The following MYBPC2 variants were observed in gnomAD, a reference collection of about 807,000 sequenced individuals.
MYBPC2 encodes myosin binding protein C2.
Under a neutral mutation model 137.0 loss-of-function variants are expected in MYBPC2, and 122 were observed. That is an observed-to-expected ratio of 0.89 (90% confidence interval 0.77 to 1.03). The LOEUF is 1.03. Among genes scored for constraint, MYBPC2 ranks in the 50% least tolerant of loss-of-function variants. The pLI is 0.00. For missense variants in MYBPC2, 1,500 were observed against 1,534.4 expected, an observed-to-expected ratio of 0.98 and a Z score of 0.37; for synonymous variants, 626 against 612.3, an observed-to-expected ratio of 1.02 and a Z score of -0.33.
intron 13 of MYBPC2, among the ~76,000 whole-genome samples, chr19:50,449,768 C>T (rs900693423): frequency 3.3e-5 from 5 of 152,134 alleles, no homozygotes; most frequent in African/African-American, 4.8e-5. Flanking sequence ...TGGAGAACAT[C>T]GTGCCGTTCA....
At chr19:50,464,593 C>G in intron 27 of MYBPC2, 61 bp downstream of exon 27, 1 of 1,502,478 alleles carries the variant, frequency 6.7e-7, no homozygotes, top group South Asian at 1.3e-5. Context: ...GCCAGCCTGG[C>G]CGGTGGCCCC....
Position 50,465,460 on chromosome 19 carries a change from G to A in MYBPC2, c.3416-735G>A, listed in dbSNP as rs2040007453. On this transcript the variant is annotated intron_variant, in intron 27 of 27. Transcript: ENST00000357701. This position sits in a 1 kb window ranked among gnomAD's most constrained non-coding sequence, Gnocchi z 4.5. ...AATGTGGACTTCCAGAGTCCCTCCC[G>A]GATGGTGACTTCTGACCTCTGACTT... 6.6e-6 allele frequency among the ~76,000 whole-genome samples: 1 copy of A among 152,194 alleles called. No individual in the cohort carries two copies. Among genetic ancestry groups the A allele is most frequent in the Non-Finnish European group, 1.5e-5 (1 of 68,034 alleles).
Position 50,458,660 on chromosome 19 carries a change from A to G in MYBPC2, c.2412A>G (p.Gly804=). 6.2e-7 allele frequency: 1 copy of G among 1,612,728 alleles called. No individual in the cohort carries two copies. Among genetic ancestry groups the G allele is most frequent in the Non-Finnish European group, 8.5e-7 (1 of 1,179,892 alleles). ...CGFTVKNLPT[G]ARILFRVVGV... ...TCACCGTCAAGAATCTCCCGACCGG[A>G]GCCAGAATCCTCTTCCGAGTAGTTG... The change falls in exon 21 of 28, where the codon GGA becomes GGG. Residue 804 remains glycine (G), a synonymous_variant. Coordinates refer to ENST00000357701, the MANE Select transcript of MYBPC2 (RefSeq NM_004533.4).
rs1386856463 is a variant in MYBPC2, at chr19:50,436,199, T to C, written c.345+39T>C. Reference sequence around the variant, plus strand: ...GGGCCAGAGGGCTGGTGGAGGGGAGTGGAGCTTGTGCAGGACATGCTCCTC... The same window carrying C: ...GGGCCAGAGGGCTGGTGGAGGGGAGCGGAGCTTGTGCAGGACATGCTCCTC... On this transcript the variant is annotated intron_variant, in intron 4 of 27. Transcript: ENST00000357701. 3.2e-6 allele frequency: 5 copies of C among 1,559,738 alleles called. No individual in the cohort carries two copies. In the South Asian group the frequency reaches 5.9e-5, roughly 19 times the overall value.
At chr19:50,450,504 A>G (rs1420388525) in intron 13 of MYBPC2, among the ~76,000 whole-genome samples, 5 of 152,094 alleles carry the variant, frequency 3.3e-5, no homozygotes, top group Admixed American at 6.6e-5. Flanking sequence ...CCTGGGCTCA[A>G]ACAATTCTCG....
At position 50,432,986 on chromosome 19, in the gene MYBPC2, C is replaced by A. The variant is rs2039670741; in HGVS notation, c.19+14C>A. The A allele has an allele frequency of 6.3e-7, 1 of 1,593,254 alleles. No homozygotes were observed. Among genetic ancestry groups the A allele is most frequent in the Non-Finnish European group, 8.5e-7 (1 of 1,172,082 alleles). On this transcript the variant is annotated intron_variant, in intron 1 of 27. Coordinates refer to ENST00000357701, the MANE Select transcript of MYBPC2 (RefSeq NM_004533.4). This position sits in a 1 kb window ranked among gnomAD's most constrained non-coding sequence, Gnocchi z 5.5. ...AGGCAAAACCAGGTGGCGCCAGGAC[C>A]CCCTCCCTGTGTGGGGATGGGGCTC...
intron 5 of MYBPC2, 81 bp from the exon 6 acceptor site, chr19:50,437,392 G>T: frequency 7.0e-7 from 1 of 1,430,286 alleles, no homozygotes; most frequent in South Asian, 1.2e-5. Flanking sequence ...AAGAGGTTGT[G>T]CAGGCCTGGA....
rs536618698 is a variant in MYBPC2 at position 50,461,635 on chromosome 19, G to A, written c.3025G>A (p.Glu1009Lys). 6.2e-6 allele frequency: 10 copies of A among 1,613,464 alleles called. No individual in the cohort carries two copies. Among genetic ancestry groups the A allele is most frequent in the African/African-American group, 4.0e-5 (3 of 74,896 alleles). The change falls in exon 25 of 28, where the codon GAG becomes AAG. Residue 1009 changes from glutamate (E) to lysine (K), a missense_variant. By Grantham distance (56) the Glu-to-Lys change is moderately conservative. Transcript: ENST00000357701. The part of the protein sequence containing the change: ...GNEYYFRVYT[E>K]NICGLSDSPG... Reference sequence around the variant, plus strand: ...TGAATACTATTTCCGAGTTTACACCGAGAACATCTGTGGGCTCAGTGACTC... The same window carrying A: ...TGAATACTATTTCCGAGTTTACACCAAGAACATCTGTGGGCTCAGTGACTC...
At chr19:50,450,177 C>T (rs2039843154) in intron 13 of MYBPC2, among the ~76,000 whole-genome samples, 1 of 152,062 alleles carries the variant, frequency 6.6e-6, no homozygotes, top group Admixed American at 6.6e-5. Context: ...ACAAAAACAA[C>T]AACACATAAT....
chr19:50,461,201 CG>C, intron 24 of MYBPC2, among the ~76,000 whole-genome samples: 1 of 151,674 alleles, frequency 6.6e-6, no homozygotes, highest in East Asian at 1.9e-4. Context: ...ACAAGGGTCT[CG>C]CCGGGTTGCC....
At chr19:50,439,362 A>G (rs1431062409) in intron 7 of MYBPC2, among the ~76,000 whole-genome samples, 1 of 109,270 alleles carries the variant, frequency 9.2e-6, no homozygotes, top group African/African-American at 3.6e-5. Context: ...TTATCAGCCC[A>G]CTTACTCACC....
chr19:50,441,650 G>A (rs1285211394), intron 8 of MYBPC2, among the ~76,000 whole-genome samples: 1 of 152,044 alleles, frequency 6.6e-6, no homozygotes, highest in African/African-American at 2.4e-5. Flanking sequence ...GACCAGCCTG[G>A]CTAACATGGT....
intron 16 of MYBPC2, among the ~76,000 whole-genome samples, chr19:50,453,001 C>T (rs1430106540): frequency 6.6e-6 from 1 of 152,214 alleles, no homozygotes; most frequent in Admixed American, 6.5e-5. Context: ...CAACATCCAT[C>T]CATTTGCTCA....
chr19:50,455,206 G>A lies in MYBPC2; in HGVS notation c.2113G>A (p.Glu705Lys), dbSNP rs1210268372. 4.3e-6 allele frequency: 7 copies of A among 1,613,754 alleles called. No homozygotes were observed. Among genetic ancestry groups the A allele is most frequent in the Non-Finnish European group, 5.1e-6 (6 of 1,179,866 alleles). ...ETTYESTKMI[E>K]GILYEMRVFA... ...CACCTATGAGTCCACCAAGATGATC[G>A]AGGGCATCCTCTATGAGATGCGTGT... Residue 705 changes from glutamate (E) to lysine (K), a missense_variant, in exon 19 of 28, where the codon GAG becomes AAG. Physicochemically the swap from Glu to Lys is moderately conservative, Grantham distance 56. Coordinates refer to ENST00000357701, the MANE Select transcript of MYBPC2 (RefSeq NM_004533.4).
At chr19:50,441,462 C>T (rs2039754672) in intron 8 of MYBPC2, among the ~76,000 whole-genome samples, 2 of 152,226 alleles carry the variant, frequency 1.3e-5, no homozygotes, top group African/African-American at 4.8e-5. Context: ...GACTGCAGAT[C>T]TGCCCTGAGC....
intron 9 of MYBPC2, 119 bp from the exon 10 acceptor site, chr19:50,443,375 C>T: frequency 1.6e-6 from 2 of 1,258,230 alleles, no homozygotes; most frequent in Non-Finnish European, 2.2e-6. Context: ...AATCCCTTTC[C>T]ACACAATTTG....
intron 14 of MYBPC2, among the ~76,000 whole-genome samples, 161 bp from the exon 15 acceptor site, chr19:50,451,119 C>A (rs2039853047): frequency 6.6e-6 from 1 of 152,148 alleles, no homozygotes; most frequent in Non-Finnish European, 1.5e-5. Context: ...CTGCCACCTG[C>A]CGCCCGGGAG....
chr19:50,448,825 C>G (rs1476001279), intron 13 of MYBPC2, among the ~76,000 whole-genome samples: 1 of 143,290 alleles, frequency 7.0e-6, no homozygotes, highest in Non-Finnish European at 1.5e-5. Context: ...ACCTCCAACT[C>G]TGAGGTTCAA....
chr19:50,442,054 C>A, intron 8 of MYBPC2, 127 bp from the exon 9 acceptor site: 1 of 1,202,442 alleles, frequency 8.3e-7, no homozygotes, highest in Non-Finnish European at 1.1e-6. Context: ...TCATAGGAGG[C>A]CCCCTGACTT....
Sources: gnomAD v4.1 joint callset for allele counts (sites outside exome capture counted in the v4.1 genomes callset) on GRCh38, gnomAD v4.1.1 for gene constraint, Gnocchi (gnomAD v3.1) non-coding constraint, MANE v1.5 for transcripts, NCBI Gene and HGNC (gene_info 2026-07-23, HGNC 2026-07-21) for gene names.